The following SYBU variants were observed in gnomAD, a reference collection of about 807,000 sequenced individuals.
The protein encoded by SYBU is GOLSYN A protein.
Under a neutral mutation model 35.9 loss-of-function variants are expected in SYBU, and 21 were observed. The ratio of observed to expected loss-of-function variants is 0.58; its 90% CI spans 0.41 to 0.84. The LOEUF is 0.84. Among genes scored for constraint, SYBU ranks in the 40% least tolerant of loss-of-function variants. The probability of loss-of-function intolerance (pLI) is 0.00; values close to 1 mark genes in which losing one functional copy is unlikely to be tolerated. For synonymous variants in SYBU, 319 were observed against 324.3 expected (o/e 0.98, Z 0.18); for missense variants, 768 against 848.2 (o/e 0.91, Z 1.17).
intron 1 of SYBU, among the ~76,000 whole-genome samples, chr8:109,662,546 C>A (rs762713668): frequency 2.4e-4 from 36 of 152,292 alleles, no homozygotes; most frequent in Admixed American, 2.0e-4. Flanking sequence ...CCAAGAATCT[C>A]TGACATGGTT....
At chr8:109,617,546 A>T (rs1811947781) in intron 3 of SYBU, among the ~76,000 whole-genome samples, 1 of 152,186 alleles carries the variant, frequency 6.6e-6, no homozygotes, top group African/African-American at 2.4e-5. Flanking sequence ...TTGGGTACAC[A>T]AGGTAATTGT....
intron 3 of SYBU, among the ~76,000 whole-genome samples, chr8:109,604,830 G>A (rs371552652): frequency 1.1e-4 from 16 of 152,232 alleles, no homozygotes; most frequent in African/African-American, 3.6e-4. Context: ...ACCCAGTATC[G>A]GATACAGGCA....
At chr8:109,604,281 C>T (rs1459279523) in intron 3 of SYBU, among the ~76,000 whole-genome samples, 1 of 152,038 alleles carries the variant, frequency 6.6e-6, no homozygotes, top group Non-Finnish European at 1.5e-5. Context: ...AGTTCAAATC[C>T]CTAAGTGTCT....
At chr8:109,643,414 G>C (rs1815158193) in intron 1 of SYBU, 1 of 153,176 alleles carries the variant, frequency 6.5e-6, no homozygotes, top group Admixed American at 6.5e-5. Flanking sequence ...ACCTGGAACA[G>C]TTATTTCCTG....
At position 109,656,668 on chromosome 8, in the gene SYBU, A is replaced by G. The variant is rs570914577; in HGVS notation, c.-129+24043T>C. Reference sequence around the variant, plus strand: ...AATTCAGGCTTTTTATACATAAGTGATGTTATTTATTCAACAAATATTAAT... The same window carrying G: ...AATTCAGGCTTTTTATACATAAGTGGTGTTATTTATTCAACAAATATTAAT... On this transcript the variant is annotated intron_variant, in intron 1 of 5. Coordinates refer to the SYBU transcript ENST00000408889. 2.0e-5 allele frequency among the ~76,000 whole-genome samples: 3 copies of G among 152,272 alleles called. No homozygotes were observed. The East Asian group carries it at 5.8e-4, about 29-fold the overall frequency.
chr8:109,575,386 CTGAA>C lies in SYBU; in HGVS notation c.1508_1511del (p.Ile503ArgfsTer36). 6.2e-7 allele frequency: 1 copy of C among 1,614,142 alleles called. No individual in the cohort carries two copies. The highest frequency in any genetic ancestry group is 1.1e-5 in the South Asian group (1 of 91,086). ...GGTCCTGGAGCTTCTGCAGCACACT[CTGAA>C]TGAGCTCTGAGATGGCTGGGCTGTA... is the stretch of plus-strand genomic sequence containing the variant. On this transcript the variant is annotated frameshift_variant, in exon 7 of 7. Coordinates refer to ENST00000276646, the MANE Select transcript of SYBU (RefSeq NM_001099754.2). LOFTEE classifies it low-confidence loss of function (END_TRUNC).
intron 3 of SYBU, among the ~76,000 whole-genome samples, chr8:109,596,903 G>GATC (rs1368755938): frequency 6.6e-6 from 1 of 152,142 alleles, no homozygotes; most frequent in Admixed American, 6.5e-5. Context: ...ATGCTCTGTG[G>GATC]ATCACCTGTC....
At chr8:109,640,879 G>A (rs1814798493) in intron 2 of SYBU, among the ~76,000 whole-genome samples, 1 of 149,860 alleles carries the variant, frequency 6.7e-6, no homozygotes, top group Non-Finnish European at 1.5e-5. Flanking sequence ...TTATGCAGAG[G>A]ACAGAATAAC....
At chr8:109,610,443 G>A (rs970761644) in intron 3 of SYBU, among the ~76,000 whole-genome samples, 2 of 152,122 alleles carry the variant, frequency 1.3e-5, no homozygotes, top group African/African-American at 4.8e-5. Context: ...TGAAATGAGG[G>A]TTCCCTTTCC....
chr8:109,639,366 A>G (rs1814598515), intron 2 of SYBU, among the ~76,000 whole-genome samples: 1 of 152,244 alleles, frequency 6.6e-6, no homozygotes, highest in African/African-American at 2.4e-5. Flanking sequence ...ATTTTAGAAC[A>G]TATGACGCTT....
chr8:109,686,355 T>C (rs534139314), intron 1 of SYBU, among the ~76,000 whole-genome samples: 1 of 152,332 alleles, frequency 6.6e-6, no homozygotes, highest in African/African-American at 2.4e-5. Flanking sequence ...AGAATGTTCA[T>C]ATAGATAATA....
chr8:109,680,897 C>A (rs906039796), exon 1 of SYBU: 1 of 152,354 alleles, frequency 6.6e-6, no homozygotes, highest in African/African-American at 2.4e-5. Context: ...CGGGCACCTC[C>A]CTTTGTTCTA....
At chr8:109,659,660 A>G (rs1225226516) in intron 1 of SYBU, among the ~76,000 whole-genome samples, 3 of 152,132 alleles carry the variant, frequency 2.0e-5, no homozygotes, top group African/African-American at 7.2e-5. Context: ...AAACTCTCCC[A>G]CACTAAGAAC....
chr8:109,600,894 T>C (rs72669144), intron 3 of SYBU, among the ~76,000 whole-genome samples: 2,708 of 152,302 alleles, frequency 0.018, 32 homozygotes, highest in Non-Finnish European at 0.025. Context: ...TCGACATGTG[T>C]GCATTGGGTG....
chr8:109,631,947 T>C (rs1171409207), intron 2 of SYBU, among the ~76,000 whole-genome samples: 1 of 152,104 alleles, frequency 6.6e-6, no homozygotes, highest in African/African-American at 2.4e-5. Flanking sequence ...TTTTTAAGTT[T>C]CTTTGGTAGG....
intron 1 of SYBU, among the ~76,000 whole-genome samples, chr8:109,658,725 G>A (rs1478797334): frequency 1.3e-5 from 2 of 152,150 alleles, no homozygotes; most frequent in South Asian, 2.1e-4. Flanking sequence ...AGGCCAAGGT[G>A]GGCAGATCAC....
chr8:109,664,991 T>A (rs902600560), intron 1 of SYBU, among the ~76,000 whole-genome samples: 1 of 152,194 alleles, frequency 6.6e-6, no homozygotes. Flanking sequence ...ATATCCTTTT[T>A]TAAATGCTTA....
intron 1 of SYBU, among the ~76,000 whole-genome samples, chr8:109,652,927 G>A (rs890456796): frequency 3.9e-5 from 6 of 152,156 alleles, no homozygotes; most frequent in African/African-American, 1.4e-4. Context: ...TACATGCGTG[G>A]TTCTACTTCA....
intron 2 of SYBU, among the ~76,000 whole-genome samples, chr8:109,637,286 T>C (rs530294811): frequency 8.0e-4 from 122 of 152,302 alleles, no homozygotes; most frequent in African/African-American, 2.8e-3. Context: ...GACAGGTGTT[T>C]TAGAACCTGA....
Sources: allele counts gnomAD v4.1 joint callset (sites outside exome capture counted in the v4.1 genomes callset), GRCh38; gene constraint gnomAD v4.1.1; transcripts MANE v1.5; gene names NCBI Gene and HGNC (gene_info 2026-07-23, HGNC 2026-07-21).